The following RYK variants were observed in gnomAD, a reference collection of about 807,000 sequenced individuals.
RYK encodes the protein inactive tyrosine-protein kinase RYK.
Under a neutral mutation model 70.2 loss-of-function variants are expected in RYK, and 21 were observed. That is an observed-to-expected ratio of 0.30 (90% CI 0.21 to 0.43). The LOEUF is 0.43. Among genes scored for constraint, RYK ranks in the 20% least tolerant of loss-of-function variants. The pLI, the probability that RYK is intolerant of heterozygous loss-of-function variation, is 1.00. For missense variants in RYK, 604 were observed against 753.3 expected, an observed-to-expected ratio of 0.80 and a Z score of 2.32; for synonymous variants, 267 against 278.0, an observed-to-expected ratio of 0.96 and a Z score of 0.39.
chr3:134,180,993 T>C (rs2013274145), intron 10 of RYK: 1 of 152,204 alleles, frequency 6.6e-6, no homozygotes. Context: ...TAAAACTGCA[T>C]GAGACACAAC....
rs1384588608 is a variant in RYK, at chr3:134,158,002, A to G, written c.*151T>C. ...GCCACATTATTAAGTCTGTCTTAAA[A>G]AGTTCAGATTCTAAAGCATTTCTAA... On this transcript the variant is annotated 3_prime_UTR_variant, in exon 15 of 15. Coordinates refer to ENST00000623711, the MANE Select transcript of RYK (RefSeq NM_002958.4). The G allele has an allele frequency of 1.2e-5, 5 of 407,632 alleles. No individual in the cohort carries two copies. Among genetic ancestry groups the G allele is most frequent in the Non-Finnish European group, 1.7e-5 (4 of 231,198 alleles). The allele number at this position is 407,632 out of a possible 1,614,324, so 25.3% of individuals were successfully genotyped here. A position where few individuals can be genotyped will look rare whatever the true frequency, so the allele number is the denominator to read the frequency against.
intron 2 of RYK, among the ~76,000 whole-genome samples, chr3:134,217,631 T>C (rs2014600073): frequency 6.6e-6 from 1 of 152,216 alleles, no homozygotes; most frequent in African/African-American, 2.4e-5. Context: ...GTAGGTGGTA[T>C]GTTAGCTGTT....
chr3:134,186,782 A>G (rs560417101), intron 9 of RYK, among the ~76,000 whole-genome samples: 1 of 152,318 alleles, frequency 6.6e-6, no homozygotes, highest in Non-Finnish European at 1.5e-5. Context: ...AATTTTGTAT[A>G]AAAACCTCCT....
At chr3:134,244,935 T>A (rs1374249375) in intron 1 of RYK, among the ~76,000 whole-genome samples, 1 of 152,166 alleles carries the variant, frequency 6.6e-6, no homozygotes, top group South Asian at 2.1e-4. Context: ...CCTTCCACCA[T>A]GTGAGAACAC....
chr3:134,250,690 C>G lies in RYK; in HGVS notation c.-36G>C. On this transcript the variant is annotated 5_prime_UTR_variant, in exon 1 of 15. Transcript: ENST00000623711. ...GCCGCCGCCGAAGAGGAGCGTCGGC[C>G]GCCCGCCGCACCGCCGCCCACCCCC... The G allele has an allele frequency of 1.0e-6, 1 of 966,782 alleles. No individual in the cohort carries two copies. The allele number at this position is 966,782 out of a possible 1,614,324, so 59.9% of individuals were successfully genotyped here. A position where few individuals can be genotyped will look rare whatever the true frequency, so the allele number is the denominator to read the frequency against.
At chr3:134,231,209 A>G (rs528772560) in intron 1 of RYK, among the ~76,000 whole-genome samples, 320 of 151,170 alleles carry the variant, frequency 2.1e-3, no homozygotes, top group Middle Eastern at 6.8e-3. Context: ...AAAAAAAAAA[A>G]GAAGAAAATG....
Position 134,188,831 on chromosome 3 carries a change from T to A in RYK, c.1102+6A>T. On this transcript the variant is annotated splice_donor_region_variant and intron_variant, in intron 9 of 14. Coordinates refer to ENST00000623711, the MANE Select transcript of RYK (RefSeq NM_002958.4). ...TCATGGAAATACTATGGAAAAAAGA[T>A]CCTACCTTTAACTGTTTTGACAAAT... 1 of 1,511,416 alleles carries A rather than the reference T, an allele frequency of 6.6e-7. No individual in the cohort carries two copies. The highest frequency in any genetic ancestry group is 9.1e-7 in the Non-Finnish European group (1 of 1,096,644). The allele number at this position is 1,511,416 out of a possible 1,614,324, so 93.6% of individuals were successfully genotyped here.
chr3:134,223,323 C>A (rs1290049527), intron 1 of RYK, among the ~76,000 whole-genome samples: 2 of 152,204 alleles, frequency 1.3e-5, no homozygotes, highest in Non-Finnish European at 2.9e-5. Context: ...GTATCAGGAT[C>A]TCAATTTTGT....
intron 10 of RYK, among the ~76,000 whole-genome samples, chr3:134,182,223 A>G (rs1478971086): frequency 1.3e-5 from 2 of 152,110 alleles, no homozygotes; most frequent in Non-Finnish European, 2.9e-5. Context: ...TGGCATAATG[A>G]TTGTATACCA....
chr3:134,161,081 AG>A (rs1196222792), intron 13 of RYK, among the ~76,000 whole-genome samples: 3 of 152,232 alleles, frequency 2.0e-5, no homozygotes, highest in Non-Finnish European at 4.4e-5. Context: ...AAAATATATT[AG>A]TAACAACTGA....
At chr3:134,188,342 G>A (rs577676693) in intron 9 of RYK, among the ~76,000 whole-genome samples, 2 of 151,852 alleles carry the variant, frequency 1.3e-5, no homozygotes, top group South Asian at 4.2e-4. Flanking sequence ...TGTATTTTTA[G>A]CAGAGACAGG....
intron 13 of RYK, among the ~76,000 whole-genome samples, chr3:134,172,156 C>T (rs1004958254): frequency 3.9e-5 from 6 of 152,064 alleles, no homozygotes; most frequent in African/African-American, 1.4e-4. Flanking sequence ...TTTAAATCAA[C>T]CACTGGAAAT....
rs145067565 is a variant in RYK at position 134,167,594 on chromosome 3, C to T, written c.1575+8015G>A. Among the ~76,000 whole-genome samples, 447 of 152,200 alleles carry T rather than the reference C, an allele frequency of 2.9e-3. 1 individual carries two copies. Among genetic ancestry groups the T allele is most frequent in the African/African-American group, 0.01 (418 of 41,524 alleles). The stretch of plus-strand genomic sequence containing the variant: ...ATATGTAGAAAGGTGAAACTGGATC[C>T]CTTCCTTACACCTTATACAAACATT... On this transcript the variant is annotated intron_variant, in intron 13 of 14. Transcript: ENST00000623711.
chr3:134,197,151 C>CA (rs1418632006), intron 6 of RYK, among the ~76,000 whole-genome samples: 2 of 152,166 alleles, frequency 1.3e-5, no homozygotes, highest in African/African-American at 4.8e-5. Flanking sequence ...CTTTGCAACT[C>CA]AAAGAGACTA....
chr3:134,178,093 T>G lies in RYK; in HGVS notation c.1173-20A>C. 2 of 1,533,172 alleles carry G rather than the reference T, an allele frequency of 1.3e-6. No homozygotes were observed. The highest frequency in any genetic ancestry group is 1.8e-6 in the Non-Finnish European group (2 of 1,137,508). The allele number at this position is 1,533,172 out of a possible 1,614,324, so 95.0% of individuals were successfully genotyped here. A position where few individuals can be genotyped will look rare whatever the true frequency, so the allele number is the denominator to read the frequency against. ...AGATTTCTATAAAATAATAAAAAAT[T>G]GGGAGAAAGACAAAGGAATCCAAAA... On this transcript the variant is annotated intron_variant, in intron 10 of 14. Transcript: ENST00000623711.
In RYK at chr3:134,221,196, C is replaced by CTTTTTTTTT. The variant is rs71139519; in HGVS notation, c.354+1213_354+1221dup. On this transcript the variant is annotated intron_variant, in intron 2 of 14. Coordinates refer to ENST00000623711, the MANE Select transcript of RYK (RefSeq NM_002958.4). Reference sequence around the variant, plus strand: ...CTACAAAGTCTTAACAGTTCTTTTTCTTTTTTTTTTTTTTTTTTTTTTTTT... The same window carrying CTTTTTTTTT: ...CTACAAAGTCTTAACAGTTCTTTTTCTTTTTTTTTTTTTTTTTTTTTTTTTTTTTTTTTT... 1.3e-3 allele frequency among the ~76,000 whole-genome samples: 101 copies of CTTTTTTTTT among 78,594 alleles called. 17 individuals carry two copies. The highest frequency in any genetic ancestry group is 3.9e-3 in the African/African-American group (69 of 17,918). The allele number at this position is 78,594 out of a possible 152,430, so 51.6% of individuals were successfully genotyped here.
intron 8 of RYK, among the ~76,000 whole-genome samples, chr3:134,190,123 G>C (rs1332383061): frequency 6.6e-6 from 1 of 152,180 alleles, no homozygotes; most frequent in Non-Finnish European, 1.5e-5. Flanking sequence ...GTATGCTCAA[G>C]GCAGAAAAGA....
intron 14 of RYK, 54 bp downstream of exon 14, chr3:134,159,183 T>C: frequency 1.3e-6 from 2 of 1,582,884 alleles, no homozygotes; most frequent in South Asian, 2.2e-5. Context: ...TTTTCCTTTA[T>C]TCCAATATAG....
chr3:134,230,126 A>T (rs565942428), intron 1 of RYK, among the ~76,000 whole-genome samples: 43 of 152,330 alleles, frequency 2.8e-4, no homozygotes, highest in Middle Eastern at 3.4e-3. Context: ...TTTGAGACAG[A>T]GTCTCACTAT....
Sources: allele counts gnomAD v4.1 joint callset (sites outside exome capture counted in the v4.1 genomes callset), GRCh38; gene constraint gnomAD v4.1.1; transcripts MANE v1.5; gene names NCBI Gene and HGNC (gene_info 2026-07-23, HGNC 2026-07-21).